KLHL24: variants seen among roughly 807,000 people sequenced by gnomAD.
The protein encoded by KLHL24 is kelch like family member 24, also known as kelch-like protein 24.
A neutral mutation model predicts 53.4 loss-of-function variants in KLHL24; 29 were observed. The ratio of observed to expected loss-of-function variants is 0.54; its 90% CI spans 0.40 to 0.74. KLHL24 has a LOEUF of 0.74. KLHL24 is among the 30% of genes least tolerant of loss of function. The probability of loss-of-function intolerance (pLI) is 0.00; values close to 1 mark genes in which losing one functional copy is unlikely to be tolerated. For synonymous variants in KLHL24, 222 were observed against 253.7 expected, an observed-to-expected ratio of 0.88 and a Z score of 1.19; for missense variants, 504 against 744.0, an observed-to-expected ratio of 0.68 and a Z score of 3.75.
chr3:183,642,078 T>C (rs999223606), intron 1 of KLHL24, among the ~76,000 whole-genome samples: 1 of 152,210 alleles, frequency 6.6e-6, no homozygotes, highest in Non-Finnish European at 1.5e-5. Flanking sequence ...AGTTCTTGTT[T>C]GGCTCTACTC....
At chr3:183,642,672 T>C (rs1336964883) in intron 1 of KLHL24, among the ~76,000 whole-genome samples, 1 of 149,932 alleles carries the variant, frequency 6.7e-6, no homozygotes, top group Non-Finnish European at 1.5e-5. Flanking sequence ...ATATGGGGAT[T>C]AAGTTTCTAC....
chr3:183,635,952 G>T lies in KLHL24; in HGVS notation c.-125+159G>T, dbSNP rs576851772. Reference sequence around the variant, plus strand: ...ACAGGGCCCCTTTCTGAGGCGAGGGGCCTCCAGGGTTCACCTGGGGGGTCT... The same window carrying T: ...ACAGGGCCCCTTTCTGAGGCGAGGGTCCTCCAGGGTTCACCTGGGGGGTCT... On this transcript the variant is annotated intron_variant, in intron 1 of 7. Transcript: ENST00000242810. 1.1e-3 allele frequency among the ~76,000 whole-genome samples: 168 copies of T among 152,244 alleles called. 1 individual carries two copies. Among genetic ancestry groups the T allele is most frequent in the African/African-American group, 3.8e-3 (158 of 41,580 alleles).
chr3:183,662,904 G>A (rs1720005864), intron 3 of KLHL24, among the ~76,000 whole-genome samples: 1 of 152,088 alleles, frequency 6.6e-6, no homozygotes, highest in Non-Finnish European at 1.5e-5. Context: ...CCTTTTTAGT[G>A]ATTGCCCAAC....
chr3:183,658,991 A>T (rs1719310324), intron 3 of KLHL24, among the ~76,000 whole-genome samples: 1 of 151,978 alleles, frequency 6.6e-6, no homozygotes, highest in South Asian at 2.1e-4. Flanking sequence ...TTTTTTGTAG[A>T]GACAGAGTCT....
At chr3:183,657,961 C>T (rs575079658) in intron 3 of KLHL24, among the ~76,000 whole-genome samples, 48 of 152,244 alleles carry the variant, frequency 3.2e-4, no homozygotes, top group African/African-American at 1.1e-3. Flanking sequence ...GCCTGTAATC[C>T]TAGCACTTTG....
At position 183,650,424 on chromosome 3, in the gene KLHL24, A is replaced by T. The variant is rs1717966675; in HGVS notation, c.68A>T (p.Lys23Met). The change falls in exon 3 of 8, where the codon AAG (lysine) becomes ATG (methionine). Residue 23 changes from lysine (K) to methionine (M), a missense_variant. Transcript: ENST00000242810. This position sits in a 1 kb window ranked among gnomAD's most constrained non-coding sequence, Gnocchi z 4.5. Reference sequence around the variant, plus strand: ...GGGGTGCGTGATTCCCCAGCAACTAAGCGAAAAGTTTTTGAAATGGACCCC... The same window carrying T: ...GGGGTGCGTGATTCCCCAGCAACTATGCGAAAAGTTTTTGAAATGGACCCC... Reference protein sequence around the residue: ...DLGVRDSPATKRKVFEMDPKS... With the variant: ...DLGVRDSPATMRKVFEMDPKS... The T allele has an allele frequency of 6.2e-7, 1 of 1,614,072 alleles. No individual in the cohort carries two copies. The highest frequency in any genetic ancestry group is 8.5e-7 in the Non-Finnish European group (1 of 1,180,042).
intron 1 of KLHL24, among the ~76,000 whole-genome samples, chr3:183,637,387 T>G (rs996518229): frequency 1.3e-5 from 2 of 152,246 alleles, no homozygotes; most frequent in African/African-American, 4.8e-5. Context: ...ATGAGTTGTT[T>G]TCCTTGTTTG....
chr3:183,649,620 GATA>G (rs1186702012), intron 2 of KLHL24, among the ~76,000 whole-genome samples: 36 of 151,812 alleles, frequency 2.4e-4, no homozygotes, highest in Admixed American at 2.4e-3. Flanking sequence ...TCTATATTAA[GATA>G]ATAATTATTT....
chr3:183,679,002 TA>T, intron 7 of KLHL24, 83 bp from the exon 8 acceptor site: 1 of 1,073,568 alleles, frequency 9.3e-7, no homozygotes, highest in Non-Finnish European at 1.4e-6. Flanking sequence ...TTGACTGTGC[TA>T]AAGCATTATT....
At chr3:183,668,866 C>T (rs929210029) in intron 5 of KLHL24, among the ~76,000 whole-genome samples, 3 of 151,680 alleles carry the variant, frequency 2.0e-5, no homozygotes, top group African/African-American at 7.3e-5. Context: ...CTGCTGCACT[C>T]CAGCCCGGTG....
chr3:183,653,571 T>G (rs981198474), intron 3 of KLHL24, among the ~76,000 whole-genome samples: 5 of 152,238 alleles, frequency 3.3e-5, no homozygotes, highest in African/African-American at 1.2e-4. Context: ...TGACAGGTTT[T>G]TGCAATTTAG....
chr3:183,681,217 CT>C lies in KLHL24; in HGVS notation c.*1932del, dbSNP rs1712642022. ...TTTTAGAGTAAACATCTGCATTATA[CT>C]CTTATAGATAATAGAATTATTTAGT... On this transcript the variant is annotated 3_prime_UTR_variant, in exon 8 of 8. Coordinates refer to ENST00000242810, the MANE Select transcript of KLHL24 (RefSeq NM_017644.3). 1 of 152,038 alleles carries C rather than the reference CT, an allele frequency of 6.6e-6. No homozygotes were observed. The highest frequency in any genetic ancestry group is 1.5e-5 in the Non-Finnish European group (1 of 67,902). 9.4% of individuals were successfully genotyped at this position (152,038 alleles called of 1,614,324 possible).
At chr3:183,653,827 G>A (rs1263582312) in intron 3 of KLHL24, among the ~76,000 whole-genome samples, 4 of 152,148 alleles carry the variant, frequency 2.6e-5, no homozygotes, top group Admixed American at 6.5e-5. Flanking sequence ...GACTTTGGAT[G>A]TTGATCTGCT....
At chr3:183,672,632 A>G in intron 7 of KLHL24, 148 bp downstream of exon 7, 1 of 471,384 alleles carries the variant, frequency 2.1e-6, no homozygotes. Context: ...TGGGAGGCCG[A>G]GGTGGATAGA....
chr3:183,637,306 T>A (rs1294116242), intron 1 of KLHL24, among the ~76,000 whole-genome samples: 2 of 152,194 alleles, frequency 1.3e-5, no homozygotes, highest in Non-Finnish European at 2.9e-5. Flanking sequence ...AAAAGCAGAT[T>A]TCTACTATTT....
At chr3:183,646,486 A>AT (rs1717266793) in intron 2 of KLHL24, among the ~76,000 whole-genome samples, 3 of 151,166 alleles carry the variant, frequency 2.0e-5, no homozygotes, top group South Asian at 4.2e-4. Context: ...AATTGCTTGG[A>AT]TTTTTTCTGA....
chr3:183,663,364 G>A lies in KLHL24; in HGVS notation c.921-94G>A, dbSNP rs927689019. On this transcript the variant is annotated intron_variant, in intron 3 of 7. Transcript: ENST00000242810. This position sits in a 1 kb window ranked among gnomAD's most constrained non-coding sequence, Gnocchi z 4.9. ...GAAACTTAACTGTTTATAATAGTGCGTGGTTTGTTTTTAGAGTTTTAAGAA... is the reference window on the plus strand; with the variant it reads ...GAAACTTAACTGTTTATAATAGTGCATGGTTTGTTTTTAGAGTTTTAAGAA... 3.3e-5 allele frequency: 19 copies of A among 576,652 alleles called. No homozygotes were observed. The South Asian group carries it at 5.8e-4, about 18-fold the overall frequency. The allele number at this position is 576,652 out of a possible 1,614,324, so 35.7% of individuals were successfully genotyped here.
chr3:183,640,600 C>CTTTTTTTCTTTTTT (rs1385918724), intron 1 of KLHL24, among the ~76,000 whole-genome samples: 1 of 61,668 alleles, frequency 1.6e-5, no homozygotes, highest in Admixed American at 1.6e-4. Flanking sequence ...TTTCTTTTTT[C>CTTTTTTTCTTTTTT]TTTTTTTTTT....
chr3:183,638,134 A>G (rs550837498), intron 1 of KLHL24, among the ~76,000 whole-genome samples: 1 of 152,330 alleles, frequency 6.6e-6, no homozygotes, highest in South Asian at 2.1e-4. Flanking sequence ...AGAGTATTTA[A>G]TGTATCTAAA....
Sources: allele counts gnomAD v4.1 joint callset (sites outside exome capture counted in the v4.1 genomes callset), GRCh38; gene constraint gnomAD v4.1.1; non-coding constraint Gnocchi (gnomAD v3.1); transcripts MANE v1.5; gene names NCBI Gene and HGNC (gene_info 2026-07-23, HGNC 2026-07-21).